The following TNFRSF21 variants were observed in gnomAD, a reference collection of about 807,000 sequenced individuals.
The protein encoded by TNFRSF21 is tumor necrosis factor receptor superfamily member 21.
In TNFRSF21, 19 loss-of-function variants were observed where a neutral mutation model predicts 45.6. That is an observed-to-expected ratio of 0.42 (90% CI 0.29 to 0.61). The LOEUF is 0.61. Ranked by LOEUF, TNFRSF21 falls within the 20% of genes least tolerant of loss-of-function variation. The pLI is 0.23. For missense variants in TNFRSF21, 737 were observed against 851.5 expected (o/e 0.87, Z 1.67); for synonymous variants, 314 against 335.5 (o/e 0.94, Z 0.70).
At chr6:47,282,568 A>G (rs981028378) in intron 3 of TNFRSF21, among the ~76,000 whole-genome samples, 1 of 152,306 alleles carries the variant, frequency 6.6e-6, no homozygotes, top group Middle Eastern at 3.4e-3. Context: ...TAGAAGTGGC[A>G]TGTACTTAGT....
At chr6:47,294,431 C>T (rs758542792) in intron 1 of TNFRSF21, among the ~76,000 whole-genome samples, 15 of 152,344 alleles carry the variant, frequency 9.8e-5, no homozygotes, top group East Asian at 1.9e-4. Flanking sequence ...CGTGAGCCAA[C>T]GCGCCCGGCT....
chr6:47,234,292 T>C (rs1351500597), intron 5 of TNFRSF21, among the ~76,000 whole-genome samples: 2 of 152,194 alleles, frequency 1.3e-5, no homozygotes, highest in African/African-American at 4.8e-5. Context: ...CCTGTACTTC[T>C]GACTCTCAAG....
intron 1 of TNFRSF21, 39 bp downstream of exon 1, chr6:47,309,377 C>T: frequency 6.6e-7 from 1 of 1,514,166 alleles, no homozygotes; most frequent in Non-Finnish European, 8.8e-7. Context: ...TCCTTCTGCT[C>T]CGGCGCCGCC....
At chr6:47,288,355 A>C in intron 1 of TNFRSF21, among the ~76,000 whole-genome samples, 1 of 152,192 alleles carries the variant, frequency 6.6e-6, no homozygotes, top group Non-Finnish European at 1.5e-5. Flanking sequence ...TCTGTGTTAC[A>C]CTGCTTTGGA....
intron 3 of TNFRSF21, among the ~76,000 whole-genome samples, chr6:47,258,929 G>A (rs1765029222): frequency 6.6e-6 from 1 of 152,212 alleles, no homozygotes; most frequent in South Asian, 2.1e-4. Flanking sequence ...GAATGTGGCT[G>A]TGTTCTAATA....
intron 5 of TNFRSF21, among the ~76,000 whole-genome samples, chr6:47,234,392 G>C (rs553722766): frequency 4.5e-4 from 68 of 152,280 alleles, no homozygotes; most frequent in Non-Finnish European, 8.7e-4. Flanking sequence ...GGCCTTCCCC[G>C]AAACACACAT....
intron 4 of TNFRSF21, among the ~76,000 whole-genome samples, chr6:47,246,414 A>T (rs1239182040): frequency 6.6e-6 from 1 of 152,192 alleles, no homozygotes; most frequent in Non-Finnish European, 1.5e-5. Context: ...GATCTTTACA[A>T]AGCACTTACA....
chr6:47,255,341 T>C (rs16875820), intron 3 of TNFRSF21, among the ~76,000 whole-genome samples: 3,956 of 152,292 alleles, frequency 0.026, 167 homozygotes, highest in African/African-American at 0.087. Flanking sequence ...CTCTCTGCAA[T>C]TACACATTGG....
chr6:47,286,452 A>G lies in TNFRSF21; in HGVS notation c.240T>C (p.Cys80=). 6.2e-7 allele frequency: 1 copy of G among 1,614,216 alleles called. No individual in the cohort carries two copies. Among genetic ancestry groups the G allele is most frequent in the Non-Finnish European group, 8.5e-7 (1 of 1,180,036 alleles). Reference sequence around the variant, plus strand: ...TGCAGACGCGCAGGCTTGTGTTGGTACAATGCTCAGAGACATAGGTTCCTG... The same window carrying G: ...TGCAGACGCGCAGGCTTGTGTTGGTGCAATGCTCAGAGACATAGGTTCCTG... The part of the protein sequence containing the change: ...CPAGTYVSEH[C]TNTSLRVCSS... The change falls in exon 2 of 6, where the codon TGT becomes TGC. Residue 80 remains cysteine (C), a synonymous_variant. Transcript: ENST00000296861.
intron 4 of TNFRSF21, among the ~76,000 whole-genome samples, chr6:47,246,875 A>G (rs1764832343): frequency 6.6e-6 from 1 of 152,042 alleles, no homozygotes; most frequent in Admixed American, 6.6e-5. Flanking sequence ...CTTTCTATGT[A>G]TTTTTTTGGC....
rs1334002198 is a variant in TNFRSF21, at chr6:47,285,986, T to C, written c.706A>G (p.Met236Val). 1.2e-6 allele frequency: 2 copies of C among 1,614,188 alleles called. No individual in the cohort carries two copies. Among genetic ancestry groups the C allele is most frequent in the East Asian group, 2.2e-5 (1 of 44,878 alleles). The change falls in exon 2 of 6, where the codon ATG becomes GTG. Residue 236 changes from methionine (M) to valine (V), a missense_variant. By Grantham distance (21) the Met-to-Val change is conservative. Transcript: ENST00000296861. ...GAGGAAGGGACTTCATGGGTTTCCA[T>C]GTGCTCAGGGCGTGGAAAGATGGCT... ...GTAIFPRPEH[M>V]ETHEVPSSTY... is the part of the protein sequence containing the mutation.
chr6:47,248,703 T>C (rs1764856984), intron 4 of TNFRSF21, among the ~76,000 whole-genome samples: 1 of 152,222 alleles, frequency 6.6e-6, no homozygotes, highest in African/African-American at 2.4e-5. Flanking sequence ...CAGATAGCAC[T>C]TCCTGCTCGG....
chr6:47,244,248 C>T (rs1381556165), intron 4 of TNFRSF21, among the ~76,000 whole-genome samples: 4 of 143,666 alleles, frequency 2.8e-5, no homozygotes, highest in African/African-American at 5.2e-5. Context: ...GGCGTGAACC[C>T]GGGAGGGGGA....
chr6:47,282,060 A>C (rs1456487508), intron 3 of TNFRSF21, among the ~76,000 whole-genome samples: 1 of 152,006 alleles, frequency 6.6e-6, no homozygotes, highest in African/African-American at 2.4e-5. Flanking sequence ...GGCCACATAA[A>C]ATACACCAAT....
In TNFRSF21 at chr6:47,234,748, A is replaced by C; in HGVS notation, c.1660T>G (p.Ser554Ala). Reference protein sequence around the residue: ...DKNKGFFVDESEPLLRCDSTS... With the variant: ...DKNKGFFVDEAEPLLRCDSTS... ...GAGTCACAGCGGAGAAGGGGCTCCG[A>C]CTCATCCACGAAGAAGCCCTTGTTC... Residue 554 changes from serine to alanine, a missense_variant, in exon 5 of 6, where the codon TCG (serine) becomes GCG (alanine). Coordinates refer to ENST00000296861, the MANE Select transcript of TNFRSF21 (RefSeq NM_014452.5). The C allele has an allele frequency of 6.2e-7, 1 of 1,609,858 alleles. No homozygotes were observed. The highest frequency in any genetic ancestry group is 8.5e-7 in the Non-Finnish European group (1 of 1,178,490).
chr6:47,308,962 T>G (rs985151165), intron 1 of TNFRSF21, among the ~76,000 whole-genome samples: 1 of 152,102 alleles, frequency 6.6e-6, no homozygotes, highest in Non-Finnish European at 1.5e-5. Flanking sequence ...CATCCCGACA[T>G]GACATTGCAG....
chr6:47,281,709 G>A (rs1407360939), intron 3 of TNFRSF21, among the ~76,000 whole-genome samples: 1 of 151,988 alleles, frequency 6.6e-6, no homozygotes, highest in African/African-American at 2.4e-5. Context: ...CGTAGAGAGA[G>A]CAAATGACAA....
chr6:47,234,701 C>A lies in TNFRSF21; in HGVS notation c.1707G>T (p.Ala569=). The change falls in exon 5 of 6, where the codon GCG becomes GCT. Residue 569 remains alanine, a synonymous_variant. Coordinates refer to ENST00000296861, the MANE Select transcript of TNFRSF21 (RefSeq NM_014452.5). ...TAATAAAGGAACCGTTCCTGCTCAG[C>A]GCGGAGGAGCCGCTGGATGTAGAGT... is the stretch of plus-strand genomic sequence containing the variant. The part of the protein sequence containing the change: ...RCDSTSSGSS[A]LSRNGSFITK... The A allele has an allele frequency of 6.2e-7, 1 of 1,610,606 alleles. No homozygotes were observed. The highest frequency in any genetic ancestry group is 8.5e-7 in the Non-Finnish European group (1 of 1,178,532).
rs1762363458 is a variant in TNFRSF21, at chr6:47,268,309, T to A, written c.1244-14788A>T. On this transcript the variant is annotated intron_variant, in intron 3 of 5. Transcript: ENST00000296861. Reference sequence around the variant, plus strand: ...CCATAGAACAGTGCCTGGAACATCATAAGCATTCAGTAAACAGGAAGTATT... The same window carrying A: ...CCATAGAACAGTGCCTGGAACATCAAAAGCATTCAGTAAACAGGAAGTATT... Among the ~76,000 whole-genome samples the A allele has an allele frequency of 2.0e-5, 3 of 152,334 alleles. No homozygotes were observed. In the South Asian group the frequency reaches 6.2e-4, roughly 32 times the overall value.
Sources: gnomAD v4.1 joint callset for allele counts (sites outside exome capture counted in the v4.1 genomes callset) on GRCh38, gnomAD v4.1.1 for gene constraint, MANE v1.5 for transcripts, NCBI Gene and HGNC (gene_info 2026-07-23, HGNC 2026-07-21) for gene names.